HERC3: variants seen among roughly 807,000 people sequenced by gnomAD.
HERC3 encodes the protein HECT and RLD domain containing E3 ubiquitin protein ligase 3, also known as probable E3 ubiquitin-protein ligase HERC3.
In HERC3, 58 loss-of-function variants were observed where a neutral mutation model predicts 129.9. That is an observed-to-expected ratio of 0.45 (90% CI 0.36 to 0.56). The LOEUF (loss-of-function observed/expected upper bound fraction) is 0.56, where lower values mean the gene tolerates loss of function less well. Ranked by LOEUF, HERC3 falls within the 20% of genes least tolerant of loss-of-function variation. The pLI is 0.00. For synonymous variants in HERC3, 430 were observed against 451.0 expected, an observed-to-expected ratio of 0.95 and a Z score of 0.59; for missense variants, 835 against 1,244.2, an observed-to-expected ratio of 0.67 and a Z score of 4.95.
At chr4:88,563,392 G>GT in the HERC3 span, among the ~76,000 whole-genome samples, 1 of 152,148 alleles carries the variant, frequency 6.6e-6, no homozygotes, top group African/African-American at 2.4e-5. Context: ...AGTGCTGATA[G>GT]TTTTTTGGTG....
chr4:88,655,086 C>T (rs1729736510), intron 7 of HERC3, 88 bp from the exon 8 acceptor site: 5 of 1,377,950 alleles, frequency 3.6e-6, no homozygotes, highest in Non-Finnish European at 5.0e-6. Context: ...CTCTTGTGCA[C>T]ATTGTTGTGA....
chr4:88,647,453 G>A (rs949600093), intron 3 of HERC3, among the ~76,000 whole-genome samples: 12 of 152,244 alleles, frequency 7.9e-5, no homozygotes, highest in African/African-American at 2.9e-4. Flanking sequence ...TCCTGGAATT[G>A]GTACAAGGTG....
At chr4:88,634,062 C>T (rs972963520) in intron 3 of HERC3, among the ~76,000 whole-genome samples, 16 of 152,306 alleles carry the variant, frequency 1.1e-4, no homozygotes, top group East Asian at 9.7e-4. Flanking sequence ...ACTAGGCAGC[C>T]GGCATGACCC....
the HERC3 span, among the ~76,000 whole-genome samples, chr4:88,580,212 C>T: frequency 1.3e-5 from 2 of 152,202 alleles, no homozygotes; most frequent in Non-Finnish European, 2.9e-5. Context: ...GATTCTGAAC[C>T]TGGATTATGA....
At chr4:88,606,662 G>A (rs1400949898) in intron 3 of HERC3, among the ~76,000 whole-genome samples, 11 of 152,088 alleles carry the variant, frequency 7.2e-5, no homozygotes, top group South Asian at 2.1e-4. Context: ...TTCACATGGC[G>A]GCAGACAAGA....
chr4:88,699,614 A>C (rs1026664940), intron 23 of HERC3, among the ~76,000 whole-genome samples: 2 of 151,728 alleles, frequency 1.3e-5, no homozygotes, highest in African/African-American at 4.8e-5. Context: ...TACTGCATGT[A>C]TCACTTAATT....
chr4:88,537,929 G>A, the HERC3 span, among the ~76,000 whole-genome samples: 1 of 152,174 alleles, frequency 6.6e-6, no homozygotes. Context: ...TGTGCATTTG[G>A]CTCACAGCTA....
chr4:88,534,874 T>A, the HERC3 span, among the ~76,000 whole-genome samples: 1 of 152,196 alleles, frequency 6.6e-6, no homozygotes, highest in African/African-American at 2.4e-5. Context: ...AGCCATCAAA[T>A]AGTCCATAGT....
intron 23 of HERC3, among the ~76,000 whole-genome samples, chr4:88,691,469 C>G (rs1336426009): frequency 6.6e-6 from 1 of 152,228 alleles, no homozygotes; most frequent in Non-Finnish European, 1.5e-5. Flanking sequence ...TGGTTAGGTT[C>G]TGGCGAGGGC....
intron 3 of HERC3, among the ~76,000 whole-genome samples, chr4:88,608,187 A>G (rs1723885623): frequency 6.6e-6 from 1 of 152,110 alleles, no homozygotes; most frequent in Non-Finnish European, 1.5e-5. Flanking sequence ...ATAATCGTTA[A>G]TTTTTATGTT....
At chr4:88,667,870 A>C in intron 13 of HERC3, 22 bp from the exon 14 acceptor site, 2 of 1,563,924 alleles carry the variant, frequency 1.3e-6, no homozygotes, top group Non-Finnish European at 1.8e-6. Context: ...TGAATTTCTC[A>C]TTACTCTTTT....
intron 4 of HERC3, 102 bp from the exon 5 acceptor site, chr4:88,651,902 AGGCAAGAT>A (rs1275896723): frequency 2.4e-6 from 2 of 847,008 alleles, no homozygotes; most frequent in Admixed American, 3.9e-5. Context: ...AAAGACTTTT[AGGCAAGAT>A]GGTGTTATTT....
intron 1 of HERC3, among the ~76,000 whole-genome samples, chr4:88,594,647 G>C (rs1722144488): frequency 6.6e-6 from 1 of 152,104 alleles, no homozygotes; most frequent in Non-Finnish European, 1.5e-5. Flanking sequence ...CCAACCCCTG[G>C]GCTCAGGCTG....
the HERC3 span, among the ~76,000 whole-genome samples, chr4:88,574,457 T>C: frequency 6.6e-6 from 1 of 152,232 alleles, no homozygotes; most frequent in Non-Finnish European, 1.5e-5. Context: ...ATCTTAACCA[T>C]TTTAAAGTGT....
chr4:88,656,600 A>G (rs1357456763), intron 9 of HERC3: 2 of 152,526 alleles, frequency 1.3e-5, no homozygotes. Context: ...ACCATGCCTC[A>G]CCTCCAACAT....
chr4:88,703,946 G>GC (rs1735544867), intron 23 of HERC3, 152 bp from the exon 24 acceptor site: 2 of 669,226 alleles, frequency 3.0e-6, no homozygotes, highest in Non-Finnish European at 5.1e-6. Context: ...GGAGAGGAGA[G>GC]CTGGTAACCT....
chr4:88,690,055 C>CA, intron 23 of HERC3: 9 of 985,214 alleles, frequency 9.1e-6, no homozygotes, highest in Non-Finnish European at 1.1e-5. Context: ...AGACACCCAA[C>CA]AAAACTGGCT....
chr4:88,675,914 C>T (rs1197835196), intron 16 of HERC3, among the ~76,000 whole-genome samples: 9 of 152,078 alleles, frequency 5.9e-5, no homozygotes, highest in African/African-American at 1.9e-4. Flanking sequence ...TTGTAAAGCT[C>T]CTGTTTTGGA....
At chr4:88,628,951 A>G (rs985266886) in intron 3 of HERC3, among the ~76,000 whole-genome samples, 9 of 152,146 alleles carry the variant, frequency 5.9e-5, no homozygotes, top group Non-Finnish European at 1.2e-4. Context: ...AGGCGGTTGC[A>G]TTGCTTGAGG....
Sources: gnomAD v4.1 joint callset for allele counts (sites outside exome capture counted in the v4.1 genomes callset) on GRCh38, gnomAD v4.1.1 for gene constraint, MANE v1.5 for transcripts, NCBI Gene and HGNC (gene_info 2026-07-23, HGNC 2026-07-21) for gene names.